PCDH9: variants seen among roughly 807,000 people sequenced by gnomAD.
PCDH9 encodes protocadherin-9.
A neutral mutation model predicts 70.6 loss-of-function variants in PCDH9; 24 were observed. The ratio of observed to expected loss-of-function variants is 0.34; its 90% CI spans 0.25 to 0.48. PCDH9 has a LOEUF of 0.48. PCDH9 is among the 20% of genes least tolerant of loss of function. The pLI, the probability that PCDH9 is intolerant of heterozygous loss-of-function variation, is 0.99. For missense variants in PCDH9, 1,281 were observed against 1,503.6 expected, an observed-to-expected ratio of 0.85 and a Z score of 2.45; for synonymous variants, 562 against 558.5, an observed-to-expected ratio of 1.01 and a Z score of -0.09.
At chr13:66,491,577 T>G (rs565000407) in intron 4 of PCDH9, among the ~76,000 whole-genome samples, 2 of 152,288 alleles carry the variant, frequency 1.3e-5, no homozygotes, top group South Asian at 4.1e-4. Context: ...GTTCGTATAC[T>G]TTCCACAAAG....
chr13:66,454,162 T>A (rs443549), intron 4 of PCDH9, among the ~76,000 whole-genome samples: 135,950 of 151,908 alleles, frequency 0.89, 61,364 homozygotes, highest in Non-Finnish European at 0.97. Flanking sequence ...TCTTTTTTTT[T>A]AAAAAAAGCA....
intron 4 of PCDH9, among the ~76,000 whole-genome samples, chr13:66,317,486 A>G (rs1459391596): frequency 6.6e-6 from 1 of 152,196 alleles, no homozygotes; most frequent in Non-Finnish European, 1.5e-5. Context: ...GGAATTCCCC[A>G]AAGTAAAATA....
chr13:66,883,393 T>C (rs528246528), intron 3 of PCDH9, among the ~76,000 whole-genome samples: 2 of 152,160 alleles, frequency 1.3e-5, no homozygotes, highest in African/African-American at 4.8e-5. Context: ...ATTTGTTTGT[T>C]TGAAAGAATG....
At position 66,641,864 on chromosome 13, in the gene PCDH9, T is replaced by A. The variant is rs185824397; in HGVS notation, c.3139-10453A>T. Among the ~76,000 whole-genome samples the A allele has an allele frequency of 8.0e-4, 122 of 152,222 alleles. 2 individuals carry two copies. Among genetic ancestry groups the A allele is most frequent in the Admixed American group, 7.0e-3 (107 of 15,294 alleles). ...AAATTCATGTATTTCTTCTTAGTAATGGTATTGTGAAAAATGTTTGTATTG... is the reference window on the plus strand; with the variant it reads ...AAATTCATGTATTTCTTCTTAGTAAAGGTATTGTGAAAAATGTTTGTATTG... On this transcript the variant is annotated intron_variant, in intron 3 of 4. Transcript: ENST00000377865.
At chr13:66,798,795 A>G (rs2080283598) in intron 3 of PCDH9, among the ~76,000 whole-genome samples, 1 of 140,882 alleles carries the variant, frequency 7.1e-6, no homozygotes, top group Non-Finnish European at 1.5e-5. Context: ...ATTTGACTAT[A>G]TGATGCTTAT....
chr13:66,494,705 A>T (rs1449695146), intron 4 of PCDH9, among the ~76,000 whole-genome samples: 1 of 152,172 alleles, frequency 6.6e-6, no homozygotes, highest in Non-Finnish European at 1.5e-5. Flanking sequence ...TTTAAAGCAT[A>T]TCCAGTTTGT....
In PCDH9 at chr13:66,829,717, C is replaced by CAAAAAAAAAAAAAAAAAAAAAAA. The variant is rs562176354; in HGVS notation, c.3138+73764_3138+73786dup. Among the ~76,000 whole-genome samples, 8 of 53,126 alleles carry CAAAAAAAAAAAAAAAAAAAAAAA rather than the reference C, an allele frequency of 1.5e-4. 2 individuals are homozygous for CAAAAAAAAAAAAAAAAAAAAAAA. Among genetic ancestry groups the CAAAAAAAAAAAAAAAAAAAAAAA allele is most frequent in the Admixed American group, 3.4e-4 (1 of 2,952 alleles). 34.9% of individuals were successfully genotyped at this position (53,126 alleles called of 152,430 possible). A position where few individuals can be genotyped will look rare whatever the true frequency, so the allele number is the denominator to read the frequency against. On this transcript the variant is annotated intron_variant, in intron 3 of 4. Transcript: ENST00000377865. ...TGGGCGACAGAGCGAGACTCCGTCT[C>CAAAAAAAAAAAAAAAAAAAAAAA]AAAAAAAAAAAAAAAAAAAAAAAAA...
chr13:66,574,124 A>G (rs762832770), intron 4 of PCDH9, among the ~76,000 whole-genome samples: 14 of 152,342 alleles, frequency 9.2e-5, no homozygotes, highest in Non-Finnish European at 1.6e-4. Flanking sequence ...GATAAGTTGT[A>G]GGGAAAAACA....
intron 2 of PCDH9, among the ~76,000 whole-genome samples, chr13:67,090,829 A>C (rs1388781950): frequency 1.3e-5 from 2 of 152,166 alleles, no homozygotes; most frequent in African/African-American, 4.8e-5. Flanking sequence ...ATAGATATAG[A>C]TGCTATTTTG....
intron 3 of PCDH9, among the ~76,000 whole-genome samples, chr13:66,825,782 C>T (rs1057267668): frequency 3.3e-5 from 5 of 152,194 alleles, no homozygotes; most frequent in Non-Finnish European, 5.9e-5. Flanking sequence ...AACTACTCTA[C>T]ATGAATGCAG....
intron 3 of PCDH9, among the ~76,000 whole-genome samples, chr13:66,809,466 A>G (rs2080466158): frequency 6.6e-6 from 1 of 152,178 alleles, no homozygotes; most frequent in Non-Finnish European, 1.5e-5. Flanking sequence ...TTAAATTATT[A>G]CCAAATCTGT....
chr13:66,985,255 A>T (rs1052593403), intron 2 of PCDH9, among the ~76,000 whole-genome samples: 16 of 152,084 alleles, frequency 1.1e-4, no homozygotes, highest in African/African-American at 3.6e-4. Flanking sequence ...GCCAAGATCA[A>T]TCCCTGGCAA....
At chr13:66,365,766 T>G (rs2138203914) in intron 4 of PCDH9, among the ~76,000 whole-genome samples, 1 of 152,262 alleles carries the variant, frequency 6.6e-6, no homozygotes, top group East Asian at 1.9e-4. Context: ...TTTAAACCCC[T>G]AGTGTCTAAT....
intron 4 of PCDH9, among the ~76,000 whole-genome samples, chr13:66,327,430 C>T (rs139846131): frequency 9.2e-5 from 14 of 152,316 alleles, no homozygotes; most frequent in African/African-American, 3.4e-4. Flanking sequence ...TGGTGTAGAA[C>T]TTTGAGAAGC....
At position 66,325,328 on chromosome 13, in the gene PCDH9, T is replaced by G. The variant is rs1187212090; in HGVS notation, c.3341-20300A>C. On this transcript the variant is annotated intron_variant, in intron 4 of 4. Coordinates refer to ENST00000377865, the MANE Select transcript of PCDH9 (RefSeq NM_203487.3). ...AAGGATAAGCGCTGGTCTTTAGGTC[T>G]CTAACTGATTGCTTCCCAGCTCCAT... Among the ~76,000 whole-genome samples, 2 of 152,074 alleles carry G rather than the reference T, an allele frequency of 1.3e-5. 1 individual carries two copies. Among genetic ancestry groups the G allele is most frequent in the African/African-American group, 4.8e-5 (2 of 41,322 alleles).
At chr13:67,142,226 A>G (rs8001770) in intron 2 of PCDH9, among the ~76,000 whole-genome samples, 149,891 of 152,248 alleles carry the variant, frequency 0.98, 73,827 homozygotes, top group East Asian at 1. Context: ...AATTTTGTAC[A>G]GTTTAGTAAA....
At chr13:66,326,923 A>G (rs531866370) in intron 4 of PCDH9, among the ~76,000 whole-genome samples, 1 of 151,356 alleles carries the variant, frequency 6.6e-6, no homozygotes, top group Admixed American at 6.6e-5. Context: ...CCTGCTGCTT[A>G]TCATTCAGAC....
chr13:66,913,182 T>C (rs2082498171), intron 2 of PCDH9, among the ~76,000 whole-genome samples: 1 of 152,048 alleles, frequency 6.6e-6, no homozygotes, highest in South Asian at 2.1e-4. Flanking sequence ...TCTCTTACTG[T>C]GCAAAACTTT....
intron 3 of PCDH9, among the ~76,000 whole-genome samples, chr13:66,732,452 C>T (rs1366977697): frequency 6.6e-6 from 1 of 152,028 alleles, no homozygotes; most frequent in Non-Finnish European, 1.5e-5. Flanking sequence ...CTACAAGGGC[C>T]TTGCCAAGCT....
Sources: gnomAD v4.1 joint callset for allele counts (sites outside exome capture counted in the v4.1 genomes callset) on GRCh38, gnomAD v4.1.1 for gene constraint, MANE v1.5 for transcripts, NCBI Gene and HGNC (gene_info 2026-07-23, HGNC 2026-07-21) for gene names.